The following STX12 variants were observed in gnomAD, a reference collection of about 807,000 sequenced individuals.
STX12 encodes the protein syntaxin-12.
A neutral mutation model predicts 42.2 loss-of-function variants in STX12; 17 were observed. That is an observed-to-expected ratio of 0.40 (90% CI 0.28 to 0.60). The LOEUF (loss-of-function observed/expected upper bound fraction) is 0.60. Among genes scored for constraint, STX12 ranks in the 20% least tolerant of loss-of-function variants. STX12 has a pLI of 0.39. For missense variants in STX12, 297 were observed against 330.9 expected, an observed-to-expected ratio of 0.90 and a Z score of 0.79; for synonymous variants, 108 against 116.7, an observed-to-expected ratio of 0.93 and a Z score of 0.48.
At chr1:27,818,063 G>T (rs989621864) in intron 7 of STX12, 140 bp downstream of exon 7, 4 of 658,378 alleles carry the variant, frequency 6.1e-6, no homozygotes, top group Non-Finnish European at 1.0e-5. Context: ...ATGAGAATTT[G>T]TCTCTTAAAA....
chr1:27,799,785 ATG>A (rs1019953913), intron 3 of STX12, among the ~76,000 whole-genome samples: 7 of 146,102 alleles, frequency 4.8e-5, no homozygotes, highest in Admixed American at 2.0e-4. Context: ...GGAGTTTCAC[ATG>A]TGTTGCCCAG....
intron 1 of STX12, among the ~76,000 whole-genome samples, chr1:27,787,117 G>T (rs1571518714): frequency 6.6e-6 from 1 of 152,124 alleles, no homozygotes; most frequent in Admixed American, 6.5e-5. Context: ...TATAAAACTG[G>T]AATCACATTT....
At chr1:27,809,971 GTTATTT>G (rs1162989883) in intron 4 of STX12, 9 of 273,936 alleles carry the variant, frequency 3.3e-5, no homozygotes, top group Non-Finnish European at 4.8e-5. Context: ...TTTTATTGTT[GTTATTT>G]TTATTTTTAG....
intron 1 of STX12, among the ~76,000 whole-genome samples, chr1:27,782,076 A>T (rs2088671030): frequency 6.6e-6 from 1 of 151,932 alleles, no homozygotes; most frequent in Non-Finnish European, 1.5e-5. Context: ...CGGGACCACG[A>T]CAAGCATAGG....
chr1:27,789,384 C>A (rs547984662), intron 1 of STX12, among the ~76,000 whole-genome samples, 178 bp from the exon 2 acceptor site: 55 of 152,192 alleles, frequency 3.6e-4, no homozygotes, highest in African/African-American at 1.3e-3. Flanking sequence ...AAAGGTGAAC[C>A]TTGTAATTAG....
At chr1:27,793,413 C>A in intron 2 of STX12, 120 bp from the exon 3 acceptor site, 1 of 754,724 alleles carries the variant, frequency 1.3e-6, no homozygotes, top group Non-Finnish European at 2.2e-6. Flanking sequence ...CATCTAGGGA[C>A]TCATTTCTTC....
chr1:27,791,747 G>A (rs1362087833), intron 2 of STX12, among the ~76,000 whole-genome samples: 3 of 151,966 alleles, frequency 2.0e-5, no homozygotes, highest in African/African-American at 4.8e-5. Context: ...CCTGGGAGGC[G>A]GAGGTTGCAG....
intron 3 of STX12, among the ~76,000 whole-genome samples, chr1:27,799,032 A>T (rs2088809037): frequency 6.6e-6 from 1 of 152,104 alleles, no homozygotes; most frequent in African/African-American, 2.4e-5. Context: ...AAAAGTTATG[A>T]TAATATTTTT....
At chr1:27,815,331 A>G (rs1007252675) in intron 6 of STX12, among the ~76,000 whole-genome samples, 1 of 152,150 alleles carries the variant, frequency 6.6e-6, no homozygotes, top group Non-Finnish European at 1.5e-5. Flanking sequence ...GGAAAGTCCA[A>G]ATTCCTTAGC....
rs564611237 is a variant in STX12 at position 27,773,513 on chromosome 1, T to C, written c.118+88T>C. The C allele has an allele frequency of 1.9e-3, 2,366 of 1,264,024 alleles. 4 individuals are homozygous for C. Among genetic ancestry groups the C allele is most frequent in the Non-Finnish European group, 2.4e-3 (2,069 of 878,888 alleles). The allele number at this position is 1,264,024 out of a possible 1,614,324, so 78.3% of individuals were successfully genotyped here. On this transcript the variant is annotated intron_variant, in intron 1 of 8. Transcript: ENST00000373943. ...CCGGGACGCAGGGCCCGGCTGGGGC[T>C]ACGGCCGAGGCCACACCTGGGGCTG...
chr1:27,792,304 CTATATATATGTAGA>C (rs2088754025), intron 2 of STX12, among the ~76,000 whole-genome samples: 3 of 90,484 alleles, frequency 3.3e-5, no homozygotes, highest in South Asian at 6.2e-4. Flanking sequence ...ATATATGTAT[CTATATATATGTAGA>C]TACATATATA....
At position 27,822,671 on chromosome 1, in the gene STX12, G is replaced by A. The variant is rs183799549; in HGVS notation, c.*342G>A. 1.2e-3 allele frequency: 215 copies of A among 186,270 alleles called. No homozygotes were observed. Among genetic ancestry groups the A allele is most frequent in the Middle Eastern group, 2.4e-3 (1 of 418 alleles). The allele number at this position is 186,270 out of a possible 1,614,324, so 11.5% of individuals were successfully genotyped here. On this transcript the variant is annotated 3_prime_UTR_variant, in exon 9 of 9. Coordinates refer to ENST00000373943, the MANE Select transcript of STX12 (RefSeq NM_177424.3). ...ACAGTCTCGTAATATTGTCTTTTAT[G>A]TATATACAAAATTTACCTTTTTACT...
intron 2 of STX12, among the ~76,000 whole-genome samples, chr1:27,790,537 T>G (rs899340126): frequency 6.6e-6 from 1 of 152,244 alleles, no homozygotes; most frequent in African/African-American, 2.4e-5. Context: ...TGGTGCATTT[T>G]ACAATCCTCC....
chr1:27,800,680 G>A (rs1347303669), intron 3 of STX12, among the ~76,000 whole-genome samples: 15 of 151,722 alleles, frequency 9.9e-5, no homozygotes, highest in Admixed American at 7.2e-4. Context: ...CACCACGCCC[G>A]GCTAATTTTT....
At chr1:27,821,693 A>G (rs1405068215) in intron 8 of STX12, among the ~76,000 whole-genome samples, 3 of 152,180 alleles carry the variant, frequency 2.0e-5, no homozygotes, top group African/African-American at 7.2e-5. Context: ...GCAAAATTGT[A>G]TGTGGGGACT....
rs779556576 is a variant in STX12 at position 27,822,230 on chromosome 1, G to GA, written c.738dup (p.Ser247IlefsTer28). 14 of 1,600,746 alleles carry GA rather than the reference G, an allele frequency of 8.7e-6. No homozygotes were observed. The highest frequency in any genetic ancestry group is 1.1e-5 in the Non-Finnish European group (13 of 1,167,996). ...TCTTGTTTACATATTTCTTTCCTCAGAAAAAATCTCGCAAGAAGATGTGTA... is the reference window on the plus strand; with the variant it reads ...TCTTGTTTACATATTTCTTTCCTCAGAAAAAAATCTCGCAAGAAGATGTGTA... On this transcript the variant is annotated frameshift_variant and splice_region_variant. Transcript: ENST00000373943. LOFTEE classifies it high-confidence loss of function.
intron 4 of STX12, among the ~76,000 whole-genome samples, chr1:27,806,149 A>G (rs1182590374): frequency 6.6e-6 from 1 of 152,194 alleles, no homozygotes; most frequent in Non-Finnish European, 1.5e-5. Flanking sequence ...AAACTCTTAC[A>G]ATGGTAGATA....
At chr1:27,799,474 C>CTTTTTTTTTT (rs1557803049) in intron 3 of STX12, among the ~76,000 whole-genome samples, 1 of 128,674 alleles carries the variant, frequency 7.8e-6, no homozygotes, top group African/African-American at 4.7e-5. Context: ...AACTCATTAG[C>CTTTTTTTTTT]TTGTTTTTTT....
intron 6 of STX12, among the ~76,000 whole-genome samples, chr1:27,816,359 A>G (rs1335137255): frequency 6.6e-6 from 1 of 151,956 alleles, no homozygotes; most frequent in Non-Finnish European, 1.5e-5. Flanking sequence ...CTGTAATCCC[A>G]TCTACTGGGG....
Sources: gnomAD v4.1 joint callset for allele counts (sites outside exome capture counted in the v4.1 genomes callset) on GRCh38, gnomAD v4.1.1 for gene constraint, MANE v1.5 for transcripts, NCBI Gene and HGNC (gene_info 2026-07-23, HGNC 2026-07-21) for gene names.